ZNF517: variants seen among roughly 807,000 people sequenced by gnomAD.
ZNF517 encodes the protein zinc finger protein 517.
In ZNF517, 12 loss-of-function variants were observed where a neutral mutation model predicts 12.1. The ratio of observed to expected loss-of-function variants is 0.99; its 90% CI spans 0.63 to 1.61. ZNF517 has a LOEUF of 1.61. Among genes scored for constraint, ZNF517 ranks in the 40% most tolerant of loss-of-function variants. The pLI is 0.00. For synonymous variants in ZNF517, 388 were observed against 310.2 expected, an observed-to-expected ratio of 1.25 and a Z score of -2.63; for missense variants, 781 against 693.2, an observed-to-expected ratio of 1.13 and a Z score of -1.42.
At position 144,807,585 on chromosome 8, in the gene ZNF517, C is replaced by A. The variant is rs768192100; in HGVS notation, c.669C>A (p.His223Gln). Residue 223 changes from histidine (H) to glutamine (Q), a missense_variant, in exon 5 of 5, where the codon CAC (histidine) becomes CAA (glutamine). By Grantham distance (24) the His-to-Gln change is conservative. Transcript: ENST00000359971. The part of the protein sequence containing the change: ...AFKQSSILLR[H>Q]QLIHTEEKPF... ...AGCAAAGCTCCATCCTGCTGCGGCA[C>A]CAGCTGATCCACACTGAGGAGAAGC... 2.5e-6 allele frequency: 4 copies of A among 1,605,230 alleles called. No individual in the cohort carries two copies. The highest frequency in any genetic ancestry group is 2.7e-5 in the African/African-American group (2 of 74,778).
chr8:144,799,357 GC>G (rs1826828919), intron 1 of ZNF517, among the ~76,000 whole-genome samples: 1 of 152,176 alleles, frequency 6.6e-6, no homozygotes, highest in Admixed American at 6.5e-5. Flanking sequence ...GCGCAGTTTT[GC>G]CCCCTCCCCG....
At chr8:144,799,685 A>C (rs974031505) in intron 1 of ZNF517, among the ~76,000 whole-genome samples, 1 of 152,200 alleles carries the variant, frequency 6.6e-6, no homozygotes, top group Admixed American at 6.5e-5. Flanking sequence ...TCACGCCTGT[A>C]ATCCCAGCAC....
In ZNF517 at chr8:144,808,064, T is replaced by A. The variant is rs1827365999; in HGVS notation, c.1148T>A (p.Leu383Gln). ...CGRPFRHNSL[L>Q]LLHLRLHTGE... The stretch of plus-strand genomic sequence containing the variant: ...AGGCCGTTCCGACACAACTCCCTGC[T>A]GCTGCTGCACCTGCGCCTACACACG... Residue 383 changes from leucine to glutamine, a missense_variant, in exon 5 of 5, where the codon CTG becomes CAG. By Grantham distance (113) the Leu-to-Gln change is moderately radical (BLOSUM62 -2). Coordinates refer to ENST00000359971, the MANE Select transcript of ZNF517 (RefSeq NM_213605.3). 2.5e-6 allele frequency: 4 copies of A among 1,609,082 alleles called. No homozygotes were observed. Among genetic ancestry groups the A allele is most frequent in the Non-Finnish European group, 3.4e-6 (4 of 1,178,188 alleles).
intron 2 of ZNF517, 105 bp downstream of exon 2, chr8:144,803,052 T>A: frequency 6.9e-7 from 1 of 1,440,628 alleles, no homozygotes; most frequent in Non-Finnish European, 9.5e-7. Context: ...CCCACCCACA[T>A]CACAGGATGG....
At chr8:144,800,491 GGGTGGTATGTGTT>G (rs1165753388) in intron 1 of ZNF517, 1 of 985,164 alleles carries the variant, frequency 1.0e-6, no homozygotes, top group African/African-American at 1.7e-5. Flanking sequence ...CCAGAGTGGA[GGGTGGTATGTGTT>G]GAGGGGTCGG....
At chr8:144,811,519 G>C (rs1019417077), downstream of ZNF517, among the ~76,000 whole-genome samples, 1 of 114,830 alleles carries the variant, frequency 8.7e-6, no homozygotes, top group East Asian at 2.7e-4. Context: ...GCTGAGACAG[G>C]GTGGGAGAGA....
intron 1 of ZNF517, among the ~76,000 whole-genome samples, 197 bp downstream of exon 1, chr8:144,799,134 G>A (rs1488638528): frequency 6.6e-6 from 1 of 152,166 alleles, no homozygotes; most frequent in African/African-American, 2.4e-5. Context: ...GGTCCATGCT[G>A]GCTGTGGTCG....
intron 4 of ZNF517, among the ~76,000 whole-genome samples, chr8:144,805,862 C>T (rs559148143): frequency 2.6e-5 from 4 of 151,814 alleles, no homozygotes; most frequent in African/African-American, 4.8e-5. Flanking sequence ...CCTTGTGATC[C>T]GCCGCCTCGG....
chr8:144,806,987 C>T (rs944099500), intron 4 of ZNF517, among the ~76,000 whole-genome samples: 30 of 152,018 alleles, frequency 2.0e-4, no homozygotes, highest in Admixed American at 7.2e-4. Flanking sequence ...GGCTCGATCT[C>T]GGCTCACTAC....
Position 144,803,773 on chromosome 8 carries a change from G to A in ZNF517, c.160+6G>A. ...TGGGAACCTGGCCTCACTAGGTGAG[G>A]GCTTCTGCCTTTGGTCCTGGGGCCG... On this transcript the variant is annotated splice_donor_region_variant and intron_variant, in intron 3 of 4. Transcript: ENST00000359971. 6.2e-7 allele frequency: 1 copy of A among 1,612,948 alleles called. No individual in the cohort carries two copies. Among genetic ancestry groups the A allele is most frequent in the Non-Finnish European group, 8.5e-7 (1 of 1,179,258 alleles).
chr8:144,810,553 G>C (rs532113268), downstream of ZNF517: 4 of 277,374 alleles, frequency 1.4e-5, no homozygotes, highest in East Asian at 2.5e-4. Flanking sequence ...GAGCTCGGAA[G>C]TCTGGGCCAT....
intron 2 of ZNF517, chr8:144,803,178 G>A (rs949094754): frequency 1.7e-6 from 1 of 577,408 alleles, no homozygotes; most frequent in African/African-American, 1.9e-5. Flanking sequence ...TCTGGCCCCT[G>A]AGCTTCTATG....
At chr8:144,810,548 C>T (rs540254130), downstream of ZNF517, 61 of 284,612 alleles carry the variant, frequency 2.1e-4, 1 homozygote, top group South Asian at 5.3e-3. Context: ...ACATGGAGCT[C>T]GGAAGTCTGG....
intron 3 of ZNF517, 172 bp from the exon 4 acceptor site, chr8:144,803,953 T>A: frequency 9.1e-7 from 1 of 1,101,736 alleles, no homozygotes; most frequent in Non-Finnish European, 1.3e-6. Flanking sequence ...GAGGCTTCTC[T>A]CCTGGGGCAG....
rs1405138676 is a variant in ZNF517 at position 144,808,424 on chromosome 8, G to T, written c.*29G>T. The T allele has an allele frequency of 1.4e-6, 2 of 1,443,444 alleles. No individual in the cohort carries two copies. The allele number at this position is 1,443,444 out of a possible 1,614,324, so 89.4% of individuals were successfully genotyped here. A position where few individuals can be genotyped will look rare whatever the true frequency, so the allele number is the denominator to read the frequency against. ...CGGGGACGACAGGCCGAGGATTCAC[G>T]CTGGAAGCCCACCCAAGCCGGCGGG... On this transcript the variant is annotated 3_prime_UTR_variant, in exon 5 of 5. Coordinates refer to ENST00000359971, the MANE Select transcript of ZNF517 (RefSeq NM_213605.3).
chr8:144,810,414 G>A (rs1185268236), downstream of ZNF517: 1 of 425,028 alleles, frequency 2.4e-6, no homozygotes, highest in Admixed American at 3.9e-5. Flanking sequence ...AGAGCCATGG[G>A]AAGCCTGGCC....
Position 144,807,330 on chromosome 8 carries a change from T to G in ZNF517, c.414T>G (p.His138Gln). The G allele has an allele frequency of 6.4e-7, 1 of 1,552,664 alleles. No individual in the cohort carries two copies. Among genetic ancestry groups the G allele is most frequent in the Non-Finnish European group, 8.7e-7 (1 of 1,147,338 alleles). Residue 138 changes from histidine to glutamine, a missense_variant, in exon 5 of 5, where the codon CAT becomes CAG. Coordinates refer to ENST00000359971, the MANE Select transcript of ZNF517 (RefSeq NM_213605.3). ...GGCACCCTGCACCACCCCACCCGCATGGCGGTCCTGAGGACGGGTCAGATA... is the reference window on the plus strand; with the variant it reads ...GGCACCCTGCACCACCCCACCCGCAGGGCGGTCCTGAGGACGGGTCAGATA... ...VGGHPAPPHP[H>Q]GGPEDGSDKP...
intron 1 of ZNF517, chr8:144,802,667 T>G (rs1586760723): frequency 2.1e-5 from 17 of 799,210 alleles, no homozygotes; most frequent in Non-Finnish European, 2.4e-5. Flanking sequence ...CCCAGCAAGG[T>G]GAGAGCCAGA....
In ZNF517 at chr8:144,802,858, A is replaced by G. The variant is rs144749852; in HGVS notation, c.-45-12A>G. The stretch of plus-strand genomic sequence containing the variant: ...CTGGGCTCTTTCCACTCATGGCTCT[A>G]TGTTCCCTCAGAATTCACTGTCTGT... On this transcript the variant is annotated splice_polypyrimidine_tract_variant and intron_variant, in intron 1 of 4. Transcript: ENST00000359971. 60 of 1,613,172 alleles carry G rather than the reference A, an allele frequency of 3.7e-5. No homozygotes were observed. In the Admixed American group the frequency reaches 3.8e-4, roughly 10 times the overall value.
Sources: gnomAD v4.1 joint callset for allele counts (sites outside exome capture counted in the v4.1 genomes callset) on GRCh38, gnomAD v4.1.1 for gene constraint, MANE v1.5 for transcripts, NCBI Gene and HGNC (gene_info 2026-07-23, HGNC 2026-07-21) for gene names.